The following M1AP variants were observed in gnomAD, a reference collection of about 807,000 sequenced individuals.
M1AP encodes the protein meiosis 1 associated protein, also known as meiosis 1 arrest protein.
Under a neutral mutation model 51.2 loss-of-function variants are expected in M1AP, and 39 were observed. That is an observed-to-expected ratio of 0.76 (90% CI 0.59 to 1.00). The LOEUF is 1.00. Among genes scored for constraint, M1AP ranks in the 50% least tolerant of loss-of-function variants. M1AP has a pLI of 0.00. For synonymous variants in M1AP, 251 were observed against 249.2 expected (o/e 1.01, Z -0.07); for missense variants, 545 against 641.2 (o/e 0.85, Z 1.62).
In M1AP at chr2:74,640,168, G is replaced by C; in HGVS notation, c.108C>G (p.Asp36Glu). 6.2e-7 allele frequency: 1 copy of C among 1,614,194 alleles called. No homozygotes were observed. Among genetic ancestry groups the C allele is most frequent in the Non-Finnish European group, 8.5e-7 (1 of 1,180,024 alleles). ...IVHIALPSWA[D>E]ICTNLCEALQ... ...GAGCCTCACAGAGGTTGGTGCAGAT[G>C]TCAGCCCAGGACGGTAGAGCAATGT... is the stretch of plus-strand genomic sequence containing the variant. The change falls in exon 2 of 11, where the codon GAC becomes GAG. Residue 36 changes from aspartate (D) to glutamate (E), a missense_variant. By Grantham distance (45) the Asp-to-Glu change is conservative. Transcript: ENST00000421985.
intron 7 of M1AP, among the ~76,000 whole-genome samples, chr2:74,568,959 G>A (rs1199266869): frequency 1.3e-5 from 2 of 152,142 alleles, no homozygotes; most frequent in Non-Finnish European, 2.9e-5. Flanking sequence ...ACACCAGCTG[G>A]AGTCTCTACA....
intron 7 of M1AP, among the ~76,000 whole-genome samples, chr2:74,574,970 G>T (rs1308207104): frequency 6.6e-6 from 1 of 152,134 alleles, no homozygotes; most frequent in African/African-American, 2.4e-5. Flanking sequence ...TCATAATTAA[G>T]AATATATACA....
chr2:74,612,183 G>A (rs1333815329), intron 3 of M1AP, among the ~76,000 whole-genome samples: 11 of 151,638 alleles, frequency 7.3e-5, no homozygotes, highest in Non-Finnish European at 1.0e-4. Flanking sequence ...GAGCCACTGC[G>A]CCCGGCCACC....
chr2:74,577,026 AATCTT>A, intron 5 of M1AP: 1 of 458,238 alleles, frequency 2.2e-6, no homozygotes, highest in Non-Finnish European at 3.0e-6. Flanking sequence ...CACAGAAGGA[AATCTT>A]GCTTCTGCTG....
intron 5 of M1AP, among the ~76,000 whole-genome samples, chr2:74,580,949 C>T (rs1376937864): frequency 6.6e-6 from 1 of 152,156 alleles, no homozygotes; most frequent in Non-Finnish European, 1.5e-5. Flanking sequence ...ATGGGCCCAT[C>T]TATCTGCAGG....
chr2:74,616,287 A>G (rs1681664519), intron 2 of M1AP, among the ~76,000 whole-genome samples: 2 of 152,222 alleles, frequency 1.3e-5, no homozygotes, highest in Admixed American at 1.3e-4. Context: ...GAACATCTAT[A>G]TTTTAAAATT....
At chr2:74,635,107 T>C (rs376640079) in intron 2 of M1AP, among the ~76,000 whole-genome samples, 1 of 152,172 alleles carries the variant, frequency 6.6e-6, no homozygotes, top group South Asian at 2.1e-4. Context: ...TAAAACCACC[T>C]GGGTCTGAAG....
At chr2:74,575,922 A>G (rs932819781) in intron 6 of M1AP, among the ~76,000 whole-genome samples, 7 of 152,136 alleles carry the variant, frequency 4.6e-5, no homozygotes, top group African/African-American at 1.2e-4. Flanking sequence ...TGGTTCAATT[A>G]ACTCACTGCA....
intron 4 of M1AP, among the ~76,000 whole-genome samples, chr2:74,595,882 C>T (rs1304191134): frequency 1.3e-5 from 2 of 152,086 alleles, no homozygotes; most frequent in African/African-American, 4.8e-5. Flanking sequence ...GAAGTTTCTA[C>T]ATTTTATATT....
chr2:74,596,751 C>G (rs1680365035), intron 4 of M1AP, among the ~76,000 whole-genome samples: 2 of 152,056 alleles, frequency 1.3e-5, no homozygotes, highest in African/African-American at 4.8e-5. Context: ...AATGTTTAAA[C>G]AAAATATGAC....
intron 8 of M1AP, among the ~76,000 whole-genome samples, chr2:74,561,184 A>AAGGAGGAGGAGGAGAAGG (rs1558643807): frequency 7.1e-4 from 15 of 21,252 alleles, no homozygotes; most frequent in Non-Finnish European, 1.2e-3. Flanking sequence ...GGAGGAGGAG[A>AAGGAGGAGGAGGAGAAGG]AGGAGGAGGA....
chr2:74,645,491 C>T (rs1683555294), intron 1 of M1AP, among the ~76,000 whole-genome samples: 1 of 152,162 alleles, frequency 6.6e-6, no homozygotes, highest in African/African-American at 2.4e-5. Flanking sequence ...TGAGGACTAG[C>T]TTAAACAGGG....
chr2:74,648,078 G>A (rs931218535), intron 1 of M1AP, 187 bp downstream of exon 1: 3 of 985,404 alleles, frequency 3.0e-6, no homozygotes, highest in South Asian at 4.7e-5. Context: ...AGTATGCGGA[G>A]GGATGACTCC....
chr2:74,634,259 A>C (rs1339298860), intron 2 of M1AP, among the ~76,000 whole-genome samples: 1 of 152,182 alleles, frequency 6.6e-6, no homozygotes, highest in Non-Finnish European at 1.5e-5. Context: ...TATATTTGTA[A>C]TGAGAAGGTT....
intron 7 of M1AP, among the ~76,000 whole-genome samples, chr2:74,571,077 A>G (rs1005228129): frequency 6.6e-6 from 1 of 152,230 alleles, no homozygotes; most frequent in African/African-American, 2.4e-5. Context: ...AACATGTGAT[A>G]GGGGAATGCT....
chr2:74,638,698 C>T (rs530426682), intron 2 of M1AP, among the ~76,000 whole-genome samples: 10 of 152,330 alleles, frequency 6.6e-5, no homozygotes, highest in South Asian at 6.2e-4. Flanking sequence ...TAAGTGAATA[C>T]GCCATCTTGC....
intron 7 of M1AP, among the ~76,000 whole-genome samples, chr2:74,564,888 A>T (rs987033826): frequency 1.3e-5 from 2 of 152,164 alleles, no homozygotes; most frequent in Admixed American, 1.3e-4. Flanking sequence ...CTATTTTTAC[A>T]TTGATTCGTG....
intron 7 of M1AP, among the ~76,000 whole-genome samples, chr2:74,568,390 G>T (rs1678523212): frequency 6.6e-6 from 1 of 152,238 alleles, no homozygotes; most frequent in Non-Finnish European, 1.5e-5. Context: ...AGATCTAGAG[G>T]TAGCTAAGCC....
At chr2:74,630,439 A>G (rs1682636575) in intron 2 of M1AP, among the ~76,000 whole-genome samples, 1 of 152,162 alleles carries the variant, frequency 6.6e-6, no homozygotes, top group Non-Finnish European at 1.5e-5. Context: ...TCACCTAGGT[A>G]TTAAGCCCCA....
Sources: gnomAD v4.1 joint callset for allele counts (sites outside exome capture counted in the v4.1 genomes callset) on GRCh38, gnomAD v4.1.1 for gene constraint, MANE v1.5 for transcripts, NCBI Gene and HGNC (gene_info 2026-07-23, HGNC 2026-07-21) for gene names.